The following KAZALD1 variants were observed in gnomAD, a reference collection of about 807,000 sequenced individuals.
KAZALD1 encodes the protein Kazal type serine peptidase inhibitor domain 1, also known as kazal-type serine protease inhibitor domain-containing protein 1.
A neutral mutation model predicts 27.7 loss-of-function variants in KAZALD1; 31 were observed. The ratio of observed to expected loss-of-function variants is 1.12; its 90% confidence interval spans 0.84 to 1.51. The LOEUF is 1.51. Ranked by LOEUF, KAZALD1 falls within the 40% of genes most tolerant of loss-of-function variation. The pLI is 0.00. For synonymous variants in KAZALD1, 179 were observed against 182.0 expected, an observed-to-expected ratio of 0.98 and a Z score of 0.13; for missense variants, 444 against 408.9, an observed-to-expected ratio of 1.09 and a Z score of -0.74.
chr10:101,067,108 A>G (rs1939342740), downstream of KAZALD1: 1 of 351,014 alleles, frequency 2.8e-6, no homozygotes, highest in Non-Finnish European at 5.7e-6. Context: ...TTTAATAAAT[A>G]ATTTCCCGCT....
In KAZALD1 at chr10:101,062,937, C is replaced by T; in HGVS notation, c.345C>T (p.Asp115=). The stretch of plus-strand genomic sequence containing the variant: ...AGTGCCGGCTGGACACAGGCGGCGA[C>T]CTGAGCCGCGGAGAGGTGCCGGAAC... ...QLECRLDTGG[D]LSRGEVPEPL... Residue 115 remains aspartate, a synonymous_variant, in exon 2 of 5, where the codon GAC becomes GAT. Transcript: ENST00000370200. 1 of 1,602,548 alleles carries T rather than the reference C, an allele frequency of 6.2e-7. No individual in the cohort carries two copies. Among genetic ancestry groups the T allele is most frequent in the Non-Finnish European group, 8.5e-7 (1 of 1,179,530 alleles).
intron 2 of KAZALD1, 184 bp from the exon 3 acceptor site, chr10:101,064,077 G>A: frequency 1.6e-6 from 1 of 640,544 alleles, no homozygotes; most frequent in Non-Finnish European, 2.7e-6. Context: ...ACCCTTGTGT[G>A]TACCAGCATC....
Position 101,066,216 on chromosome 10 carries a change from G to T in KAZALD1, c.*1296G>T, listed in dbSNP as rs1939314249. 3.0e-6 allele frequency: 1 copy of T among 336,720 alleles called. No individual in the cohort carries two copies. Among genetic ancestry groups the T allele is most frequent in the African/African-American group, 2.2e-5 (1 of 46,204 alleles). The allele number at this position is 336,720 out of a possible 1,614,324, so 20.9% of individuals were successfully genotyped here. A position where few individuals can be genotyped will look rare whatever the true frequency, so the allele number is the denominator to read the frequency against. On this transcript the variant is annotated 3_prime_UTR_variant, in exon 5 of 5. Transcript: ENST00000370200. ...TGTAGATGGCGACAGCCTCCTACAC[G>T]CCAGGGCTCCACCCGGATCCTGGCG...
chr10:101,062,765 C>A lies in KAZALD1; in HGVS notation c.173C>A (p.Pro58Gln). ...GGCGAGGGCTGCGCTCCCTGCCGGCCAGAAGAGTGCGCCGCGCCGCGGGGC... is the reference window on the plus strand; with the variant it reads ...GGCGAGGGCTGCGCTCCCTGCCGGCAAGAAGAGTGCGCCGCGCCGCGGGGC... ...AEGEGCAPCR[P>Q]EECAAPRGCL... Residue 58 changes from proline to glutamine, a missense_variant, in exon 2 of 5, where the codon CCA (proline) becomes CAA (glutamine). Transcript: ENST00000370200. The A allele has an allele frequency of 6.4e-7, 1 of 1,552,608 alleles. No homozygotes were observed.
chr10:101,064,689 C>A, intron 4 of KAZALD1, 41 bp downstream of exon 4: 1 of 1,611,876 alleles, frequency 6.2e-7, no homozygotes, highest in Non-Finnish European at 8.5e-7. Flanking sequence ...GGGGATGGTG[C>A]TGGATTCCAG....
In KAZALD1 at chr10:101,064,871, T is replaced by A. The variant is rs1939278774; in HGVS notation, c.866T>A (p.Leu289Gln). Residue 289 changes from leucine (L) to glutamine (Q), a missense_variant, in exon 5 of 5, where the codon CTG becomes CAG. By Grantham distance (113) the Leu-to-Gln change is moderately radical. Coordinates refer to ENST00000370200, the MANE Select transcript of KAZALD1 (RefSeq NM_030929.5). ...TGIPQLRSLN[L>Q]VPEEEAESEE... ...ATCCCCCAGCTGCGATCACTAAACC[T>A]GGTTCCTGAGGAGGAGGCTGAGAGT... 1.2e-6 allele frequency: 2 copies of A among 1,614,014 alleles called. No homozygotes were observed. The highest frequency in any genetic ancestry group is 2.2e-5 in the South Asian group (2 of 91,086).
In KAZALD1 at chr10:101,064,839, T is replaced by A. The variant is rs749351817; in HGVS notation, c.834T>A (p.Ser278=). Residue 278 remains serine (S), a synonymous_variant, in exon 5 of 5, where the codon TCT becomes TCA. Transcript: ENST00000370200. ...GTGTGTTTGCAGACCAGCTGAACTC[T>A]ACAGGCATCCCCCAGCTGCGATCAC... ...LTVLTPDQLN[S]TGIPQLRSLN... 1 of 1,614,160 alleles carries A rather than the reference T, an allele frequency of 6.2e-7. No individual in the cohort carries two copies. Among genetic ancestry groups the A allele is most frequent in the South Asian group, 1.1e-5 (1 of 91,084 alleles).
At chr10:101,064,103 C>A in intron 2 of KAZALD1, 158 bp from the exon 3 acceptor site, 1 of 706,918 alleles carries the variant, frequency 1.4e-6, no homozygotes, top group Non-Finnish European at 2.4e-6. Flanking sequence ...CTGTGTGTAC[C>A]TGTGTGTGTC....
Position 101,066,545 on chromosome 10 carries a change from AG to A in KAZALD1, c.*1629del, listed in dbSNP as rs765912397. The A allele has an allele frequency of 1.5e-5, 6 of 396,506 alleles. No individual in the cohort carries two copies. The highest frequency in any genetic ancestry group is 8.6e-5 in the South Asian group (5 of 58,440). The allele number at this position is 396,506 out of a possible 1,614,324, so 24.6% of individuals were successfully genotyped here. A position where few individuals can be genotyped will look rare whatever the true frequency, so the allele number is the denominator to read the frequency against. ...AGGGCGCCCACAGAAGCAGAATCAG[AG>A]GGGTAGGCGGGGGTGGGGCGTGCTG... On this transcript the variant is annotated 3_prime_UTR_variant, in exon 5 of 5. Coordinates refer to ENST00000370200, the MANE Select transcript of KAZALD1 (RefSeq NM_030929.5).
intron 2 of KAZALD1, 113 bp from the exon 3 acceptor site, chr10:101,064,148 T>A (rs1346269871): frequency 9.6e-7 from 1 of 1,037,708 alleles, no homozygotes; most frequent in Non-Finnish European, 1.4e-6. Flanking sequence ...TACCTCAGCA[T>A]ATATTGTGTT....
In KAZALD1 at chr10:101,066,575, G is replaced by C. The variant is rs1256489074; in HGVS notation, c.*1655G>C. ...TAGGCGGGGGTGGGGCGTGCTGTTC[G>C]GCGCTGTGGCCAAAATCCGCCCGGC... On this transcript the variant is annotated 3_prime_UTR_variant, in exon 5 of 5. Coordinates refer to ENST00000370200, the MANE Select transcript of KAZALD1 (RefSeq NM_030929.5). 2.3e-6 allele frequency: 1 copy of C among 437,614 alleles called. No homozygotes were observed. The highest frequency in any genetic ancestry group is 2.4e-5 in the Admixed American group (1 of 41,468). The allele number at this position is 437,614 out of a possible 1,614,324, so 27.1% of individuals were successfully genotyped here. A position where few individuals can be genotyped will look rare whatever the true frequency, so the allele number is the denominator to read the frequency against.
intron 2 of KAZALD1, 170 bp from the exon 3 acceptor site, chr10:101,064,091 A>C: frequency 3.0e-6 from 2 of 665,270 alleles, no homozygotes; most frequent in Non-Finnish European, 5.2e-6. Flanking sequence ...CAGCATCCAT[A>C]TCTGTGTGTA....
rs375185241 is a variant in KAZALD1 at position 101,063,035 on chromosome 10, T to C, written c.443T>C (p.Leu148Pro). ...CACACCTACTCCCAGATCTGCCGCCTGCAGGAGGCGGCCCGCGCTCGGCCC... is the reference window on the plus strand; with the variant it reads ...CACACCTACTCCCAGATCTGCCGCCCGCAGGAGGCGGCCCGCGCTCGGCCC... ...DGHTYSQICR[L>P]QEAARARPDA... is the part of the protein sequence containing the mutation. Residue 148 changes from leucine (L) to proline (P), a missense_variant, in exon 2 of 5, where the codon CTG becomes CCG. Transcript: ENST00000370200. 1.3e-6 allele frequency: 2 copies of C among 1,586,866 alleles called. No individual in the cohort carries two copies. The highest frequency in any genetic ancestry group is 1.7e-6 in the Non-Finnish European group (2 of 1,170,540).
At chr10:101,062,267 G>C (rs1417589023) in intron 1 of KAZALD1, among the ~76,000 whole-genome samples, 152 bp downstream of exon 1, 1 of 152,174 alleles carries the variant, frequency 6.6e-6, no homozygotes, top group African/African-American at 2.4e-5. Context: ...GTGCACGGAA[G>C]TGGTGCTGGT....
In KAZALD1 at chr10:101,062,708, T is replaced by G. The variant is rs1468275268; in HGVS notation, c.116T>G (p.Leu39Arg). Residue 39 changes from leucine (L) to arginine (R), a missense_variant, in exon 2 of 5, where the codon CTG becomes CGG. Coordinates refer to ENST00000370200, the MANE Select transcript of KAZALD1 (RefSeq NM_030929.5). The part of the protein sequence containing the change: ...GARPSPGPDY[L>R]RRGWMRLLAE... ...AGGCCATCCCCAGGCCCAGATTACC[T>G]GCGGCGCGGCTGGATGCGGCTGCTA... 1 of 1,534,124 alleles carries G rather than the reference T, an allele frequency of 6.5e-7. No individual in the cohort carries two copies. Among genetic ancestry groups the G allele is most frequent in the South Asian group, 1.2e-5 (1 of 84,846 alleles).
chr10:101,062,472 A>C, intron 1 of KAZALD1, 70 bp from the exon 2 acceptor site: 2 of 1,425,946 alleles, frequency 1.4e-6, no homozygotes, highest in Non-Finnish European at 1.9e-6. Context: ...TTGGTACAAG[A>C]AGCAGTGAGG....
At chr10:101,067,167 G>C, downstream of KAZALD1, 1 of 427,912 alleles carries the variant, frequency 2.3e-6, no homozygotes, top group Non-Finnish European at 4.8e-6. Flanking sequence ...GGGAGGAGGA[G>C]GGGGAGGCTG....
Position 101,064,837 on chromosome 10 carries a change from T to C in KAZALD1, c.832T>C (p.Ser278Pro). Reference protein sequence around the residue: ...LTVLTPDQLNSTGIPQLRSLN... With the variant: ...LTVLTPDQLNPTGIPQLRSLN... Reference sequence around the variant, plus strand: ...ATGTGTGTTTGCAGACCAGCTGAACTCTACAGGCATCCCCCAGCTGCGATC... The same window carrying C: ...ATGTGTGTTTGCAGACCAGCTGAACCCTACAGGCATCCCCCAGCTGCGATC... The change falls in exon 5 of 5, where the codon TCT becomes CCT. Residue 278 changes from serine (S) to proline (P), a missense_variant. Coordinates refer to ENST00000370200, the MANE Select transcript of KAZALD1 (RefSeq NM_030929.5). The C allele has an allele frequency of 3.1e-6, 5 of 1,614,144 alleles. No individual in the cohort carries two copies. Among genetic ancestry groups the C allele is most frequent in the Non-Finnish European group, 4.2e-6 (5 of 1,179,994 alleles).
rs1939287328 is a variant in KAZALD1 at position 101,065,116 on chromosome 10, G to A, written c.*196G>A. 1.7e-6 allele frequency: 1 copy of A among 581,674 alleles called. No individual in the cohort carries two copies. The highest frequency in any genetic ancestry group is 1.9e-5 in the African/African-American group (1 of 53,552). The allele number at this position is 581,674 out of a possible 1,614,324, so 36.0% of individuals were successfully genotyped here. A position where few individuals can be genotyped will look rare whatever the true frequency, so the allele number is the denominator to read the frequency against. On this transcript the variant is annotated 3_prime_UTR_variant, in exon 5 of 5. Transcript: ENST00000370200. The stretch of plus-strand genomic sequence containing the variant: ...GACAAAAGCTGGAGGAGGGTAGGGA[G>A]AGAAGCTGAGACCAGGACCGGTGGG...
Sources: allele counts gnomAD v4.1 joint callset (sites outside exome capture counted in the v4.1 genomes callset), GRCh38; gene constraint gnomAD v4.1.1; transcripts MANE v1.5; gene names NCBI Gene and HGNC (gene_info 2026-07-23, HGNC 2026-07-21).